GDPD5: variants seen among roughly 807,000 people sequenced by gnomAD.
The protein encoded by GDPD5 is glycerophosphodiester phosphodiesterase domain containing 5, also known as glycerophosphodiester phosphodiesterase 2.
In GDPD5, 48 loss-of-function variants were observed where a neutral mutation model predicts 75.1. The ratio of observed to expected loss-of-function variants is 0.64; its 90% confidence interval spans 0.51 to 0.81. The LOEUF (loss-of-function observed/expected upper bound fraction) is 0.81. Ranked by LOEUF, GDPD5 falls within the 40% of genes least tolerant of loss-of-function variation. GDPD5 has a pLI of 0.00. For missense variants in GDPD5, 706 were observed against 822.6 expected (o/e 0.86, Z 1.73); for synonymous variants, 336 against 339.0 (o/e 0.99, Z 0.10).
At chr11:75,470,531 A>G (rs577498717) in intron 3 of GDPD5, among the ~76,000 whole-genome samples, 9 of 152,298 alleles carry the variant, frequency 5.9e-5, no homozygotes, top group East Asian at 1.9e-4. Context: ...CCACCCATCC[A>G]TCGACATCCA....
chr11:75,437,621 A>G (rs1003991616), intron 15 of GDPD5: 3 of 153,450 alleles, frequency 2.0e-5, no homozygotes, highest in South Asian at 2.1e-4. Context: ...AGTGGGGCCA[A>G]CTGCTGCTCT....
chr11:75,524,145 T>C (rs1941573645), intron 1 of GDPD5, among the ~76,000 whole-genome samples: 1 of 152,248 alleles, frequency 6.6e-6, no homozygotes, highest in Non-Finnish European at 1.5e-5. Flanking sequence ...CCCCCAGCCT[T>C]GAGACCTTGA....
At chr11:75,522,970 C>T (rs1388286594) in intron 1 of GDPD5, among the ~76,000 whole-genome samples, 2 of 152,008 alleles carry the variant, frequency 1.3e-5, no homozygotes, top group Non-Finnish European at 2.9e-5. Flanking sequence ...GGGAGTGTGA[C>T]CCACACAGCA....
chr11:75,511,759 T>C (rs943242465), intron 1 of GDPD5, among the ~76,000 whole-genome samples: 8 of 152,074 alleles, frequency 5.3e-5, no homozygotes, highest in Non-Finnish European at 7.4e-5. Context: ...ATAATGAACA[T>C]GGCATCAGAC....
chr11:75,454,183 A>G (rs1468582520), intron 6 of GDPD5, among the ~76,000 whole-genome samples: 1 of 152,248 alleles, frequency 6.6e-6, no homozygotes, highest in Non-Finnish European at 1.5e-5. Flanking sequence ...GCAAAAAGCA[A>G]TGGCAAAAAT....
intron 4 of GDPD5, 22 bp from the exon 5 acceptor site, chr11:75,457,808 G>T: frequency 6.3e-7 from 1 of 1,597,280 alleles, no homozygotes; most frequent in Non-Finnish European, 8.6e-7. Context: ...AGAGGGGGCA[G>T]GGGTCAGACC....
intron 15 of GDPD5, chr11:75,438,041 G>C (rs1948671740): frequency 6.6e-6 from 1 of 152,352 alleles, no homozygotes; most frequent in African/African-American, 2.4e-5. Flanking sequence ...TACTAGATGG[G>C]GTCAGCGCAG....
rs567452178 is a variant in GDPD5, at chr11:75,518,033, C to T, written c.-145+7177G>A. 7.9e-5 allele frequency among the ~76,000 whole-genome samples: 12 copies of T among 152,300 alleles called. No homozygotes were observed. In the South Asian group the frequency reaches 1.0e-3, roughly 13 times the overall value. On this transcript the variant is annotated intron_variant, in intron 1 of 16. Transcript: ENST00000336898. ...GAAAGGGGACAGTGGGAAGGGCCCC[C>T]GGGCTGGGTGTTGATCCCACCCTAA...
rs1949320225 is a variant in GDPD5, at chr11:75,457,802, G to C, written c.222-16C>G. On this transcript the variant is annotated splice_polypyrimidine_tract_variant and intron_variant, in intron 4 of 16. Coordinates refer to ENST00000336898, the MANE Select transcript of GDPD5 (RefSeq NM_030792.8). ...GTAGAGGTACCTGCCAGGAGGAGAG[G>C]GGGCAGGGGTCAGACCTCCACCAGG... The C allele has an allele frequency of 2.5e-6, 4 of 1,605,354 alleles. No homozygotes were observed. The highest frequency in any genetic ancestry group is 3.4e-6 in the Non-Finnish European group (4 of 1,172,398).
chr11:75,446,265 A>G, intron 9 of GDPD5, among the ~76,000 whole-genome samples: 1 of 152,188 alleles, frequency 6.6e-6, no homozygotes, highest in Non-Finnish European at 1.5e-5. Context: ...GACACAGTTA[A>G]GTTCTCTCTG....
At chr11:75,503,359 A>C (rs968108997) in intron 1 of GDPD5, among the ~76,000 whole-genome samples, 1 of 152,232 alleles carries the variant, frequency 6.6e-6, no homozygotes. Flanking sequence ...TTTTGGGGTC[A>C]TTTGTTACGT....
intron 1 of GDPD5, among the ~76,000 whole-genome samples, chr11:75,507,394 G>C (rs558084217): frequency 6.6e-6 from 1 of 152,340 alleles, no homozygotes; most frequent in East Asian, 1.9e-4. Flanking sequence ...TCCTCATTTA[G>C]AGGGGAAAAC....
intron 3 of GDPD5, 92 bp from the exon 4 acceptor site, chr11:75,462,981 T>C: frequency 9.9e-7 from 1 of 1,005,824 alleles, no homozygotes; most frequent in Admixed American, 2.1e-5. Context: ...CCTCCCACTT[T>C]GTAGCCAAAC....
At position 75,443,290 on chromosome 11, in the gene GDPD5, C is replaced by T. The variant is rs769457413; in HGVS notation, c.798-4G>A. On this transcript the variant is annotated splice_region_variant and splice_polypyrimidine_tract_variant and intron_variant, in intron 10 of 16. Transcript: ENST00000336898. The stretch of plus-strand genomic sequence containing the variant: ...GAGGAAGGGCACGCCGTCCAGGCTG[C>T]AGGGAGGGTGGGGCCACCGAGTCAG... The T allele has an allele frequency of 1.9e-6, 3 of 1,604,838 alleles. No homozygotes were observed. The highest frequency in any genetic ancestry group is 2.2e-5 in the South Asian group (2 of 89,066).
intron 3 of GDPD5, among the ~76,000 whole-genome samples, 158 bp from the exon 4 acceptor site, chr11:75,463,047 G>A (rs1565195768): frequency 6.6e-6 from 1 of 152,210 alleles, no homozygotes; most frequent in African/African-American, 2.4e-5. Flanking sequence ...GGTTCAGAGA[G>A]GGGAAGTGAC....
Position 75,493,689 on chromosome 11 carries a change from G to C in GDPD5, c.-144-3369C>G, listed in dbSNP as rs564155642. On this transcript the variant is annotated intron_variant, in intron 1 of 16. Transcript: ENST00000336898. ...TGGGGGAGGAGTGCAGCAGGGGGGGGCCTAAGTGGCAAAAATATATAAGAG... is the reference window on the plus strand; with the variant it reads ...TGGGGGAGGAGTGCAGCAGGGGGGGCCCTAAGTGGCAAAAATATATAAGAG... Among the ~76,000 whole-genome samples the C allele has an allele frequency of 7.2e-5, 11 of 152,148 alleles. No homozygotes were observed. The East Asian group carries it at 1.5e-3, about 21-fold the overall frequency.
intron 7 of GDPD5, 116 bp downstream of exon 7, chr11:75,449,769 T>G (rs1367020662): frequency 2.3e-5 from 29 of 1,273,988 alleles, no homozygotes; most frequent in Non-Finnish European, 3.2e-5. Context: ...TCCCTAGTTC[T>G]GACCTGCTCT....
chr11:75,436,155 A>G (rs900140855), intron 16 of GDPD5, among the ~76,000 whole-genome samples: 4 of 152,134 alleles, frequency 2.6e-5, no homozygotes, highest in Admixed American at 1.3e-4. Flanking sequence ...TACCTCAAGG[A>G]CCAGGGTGGG....
intron 1 of GDPD5, among the ~76,000 whole-genome samples, chr11:75,492,076 G>A (rs1169039269): frequency 1.3e-5 from 2 of 152,190 alleles, no homozygotes; most frequent in South Asian, 4.1e-4. Context: ...AGTCTCCCCA[G>A]GGCTGTCAGC....
Sources: gnomAD v4.1 joint callset for allele counts (sites outside exome capture counted in the v4.1 genomes callset) on GRCh38, gnomAD v4.1.1 for gene constraint, MANE v1.5 for transcripts, NCBI Gene and HGNC (gene_info 2026-07-23, HGNC 2026-07-21) for gene names.